The following ZNF638 variants were observed in gnomAD, a reference collection of about 807,000 sequenced individuals.
ZNF638 encodes the protein CTCL tumor antigen se33-1.
Under a neutral mutation model 195.6 loss-of-function variants are expected in ZNF638, and 46 were observed. That is an observed-to-expected ratio of 0.24 (90% CI 0.19 to 0.30). The LOEUF is 0.30. ZNF638 is among the 10% of genes least tolerant of loss of function. The pLI is 1.00. For missense variants in ZNF638, 2,440 were observed against 2,325.3 expected (o/e 1.05, Z -1.01); for synonymous variants, 845 against 772.0 (o/e 1.09, Z -1.57).
intron 1 of ZNF638, among the ~76,000 whole-genome samples, chr2:71,339,675 G>A (rs1210479757): frequency 6.6e-6 from 1 of 152,150 alleles, no homozygotes; most frequent in African/African-American, 2.4e-5. Context: ...TGTTGTTGTT[G>A]TTTTATGGTG....
chr2:71,341,866 G>C (rs1463884573), intron 1 of ZNF638: 1 of 151,980 alleles, frequency 6.6e-6, no homozygotes, highest in Non-Finnish European at 1.5e-5. Flanking sequence ...CCTTTGTTTA[G>C]TTTCTGTTTC....
intron 15 of ZNF638, 143 bp downstream of exon 15, chr2:71,400,661 T>A (rs2079988262): frequency 2.9e-6 from 2 of 694,536 alleles, no homozygotes; most frequent in Non-Finnish European, 4.4e-6. Context: ...ACATGATTTT[T>A]AGAAAGGAAA....
At chr2:71,337,966 C>G (rs779960454) in intron 1 of ZNF638, among the ~76,000 whole-genome samples, 7 of 152,130 alleles carry the variant, frequency 4.6e-5, no homozygotes, top group Non-Finnish European at 7.4e-5. Context: ...TTGGATTTAT[C>G]TGATGTTTCC....
intron 21 of ZNF638, among the ~76,000 whole-genome samples, chr2:71,422,238 G>A (rs1286537740): frequency 2.0e-5 from 3 of 151,358 alleles, no homozygotes; most frequent in African/African-American, 7.3e-5. Context: ...TCCAAATAAT[G>A]TTCTAAGTAT....
chr2:71,405,495 T>C (rs1447030841), intron 17 of ZNF638, 106 bp from the exon 18 acceptor site: 2 of 672,312 alleles, frequency 3.0e-6, no homozygotes, highest in South Asian at 1.9e-5. Context: ...TAAAATACTT[T>C]GTAATGCATA....
chr2:71,338,332 C>T (rs1376368890), intron 1 of ZNF638, among the ~76,000 whole-genome samples: 1 of 152,148 alleles, frequency 6.6e-6, no homozygotes, highest in African/African-American at 2.4e-5. Flanking sequence ...TAAGAGCTTC[C>T]CTTCTTCCGC....
At chr2:71,419,265 T>G (rs930624945) in intron 21 of ZNF638, among the ~76,000 whole-genome samples, 2 of 152,208 alleles carry the variant, frequency 1.3e-5, no homozygotes, top group Non-Finnish European at 2.9e-5. Flanking sequence ...GTTCCACCAG[T>G]TGATGACTTG....
chr2:71,352,498 A>G (rs1045280427), intron 2 of ZNF638, among the ~76,000 whole-genome samples: 3 of 128,950 alleles, frequency 2.3e-5, no homozygotes, highest in African/African-American at 8.5e-5. Context: ...AAAAAAATAA[A>G]AAAAAAAAAA....
chr2:71,342,352 T>C (rs2078776387), intron 1 of ZNF638, among the ~76,000 whole-genome samples: 1 of 152,152 alleles, frequency 6.6e-6, no homozygotes, highest in African/African-American at 2.4e-5. Flanking sequence ...TTTACGTGTC[T>C]TGCTTCATCA....
At chr2:71,332,139 C>A (rs2078581753) in intron 1 of ZNF638, among the ~76,000 whole-genome samples, 1 of 152,238 alleles carries the variant, frequency 6.6e-6, no homozygotes, top group African/African-American at 2.4e-5. Flanking sequence ...TCGTGAAGGA[C>A]CCTGCCTCGA....
At chr2:71,339,990 C>T (rs1042601919) in intron 1 of ZNF638, among the ~76,000 whole-genome samples, 3 of 152,074 alleles carry the variant, frequency 2.0e-5, no homozygotes, top group Non-Finnish European at 4.4e-5. Flanking sequence ...TACAATAGCC[C>T]ATTTATCAAA....
chr2:71,391,879 G>A (rs2079786928), intron 10 of ZNF638, among the ~76,000 whole-genome samples: 1 of 152,172 alleles, frequency 6.6e-6, no homozygotes, highest in Non-Finnish European at 1.5e-5. Flanking sequence ...GAGACAACTA[G>A]ATAGCATAGA....
At chr2:71,391,291 A>G in intron 10 of ZNF638, among the ~76,000 whole-genome samples, 1 of 152,190 alleles carries the variant, frequency 6.6e-6, no homozygotes, top group East Asian at 1.9e-4. Flanking sequence ...AGACTGCTTT[A>G]ATACTATTCC....
chr2:71,395,571 C>A, intron 10 of ZNF638: 2 of 596,028 alleles, frequency 3.4e-6, no homozygotes, highest in South Asian at 1.7e-5. Context: ...CTTTGATCAT[C>A]CTATTGCGCG....
intron 1 of ZNF638, among the ~76,000 whole-genome samples, chr2:71,339,176 C>T (rs568122406): frequency 5.6e-5 from 8 of 141,674 alleles, no homozygotes; most frequent in South Asian, 2.2e-4. Context: ...TTTATTGAGA[C>T]GGAGTCTCAC....
At chr2:71,338,957 C>T (rs1467247935) in intron 1 of ZNF638, among the ~76,000 whole-genome samples, 2 of 152,166 alleles carry the variant, frequency 1.3e-5, no homozygotes, top group African/African-American at 4.8e-5. Flanking sequence ...CTATCCATTA[C>T]CCCTTATAGA....
Position 71,426,876 on chromosome 2 carries a change from T to G in ZNF638, c.5007T>G (p.Ala1669=), listed in dbSNP as rs1256138265. ...EPKDVTVLSV[A]EEQDLLKQER... is the part of the protein sequence containing the mutation. ...AAGATGTTACTGTTCTGTCAGTGGC[T>G]GAAGAACAAGATCTCCTCAAACAGG... The change falls in exon 24 of 28, where the codon GCT becomes GCG. Residue 1669 remains alanine, a synonymous_variant. Coordinates refer to ENST00000264447, the MANE Select transcript of ZNF638 (RefSeq NM_014497.5). 1.9e-6 allele frequency: 3 copies of G among 1,614,184 alleles called. No individual in the cohort carries two copies. The East Asian group carries it at 6.7e-5, about 36-fold the overall frequency.
Position 71,389,878 on chromosome 2 carries a change from A to G in ZNF638, c.2378-6263A>G, listed in dbSNP as rs1461019467. On this transcript the variant is annotated intron_variant, in intron 10 of 27. Coordinates refer to ENST00000264447, the MANE Select transcript of ZNF638 (RefSeq NM_014497.5). ...AACGTCGACTGCCAACAAGCAATGC[A>G]GGCAGTCAGAGGAAAGGCAGTTACG... 2.6e-5 allele frequency among the ~76,000 whole-genome samples: 4 copies of G among 152,322 alleles called. No homozygotes were observed. In the East Asian group the frequency reaches 7.7e-4, roughly 29 times the overall value.
chr2:71,359,449 T>C (rs1000843104), intron 3 of ZNF638, among the ~76,000 whole-genome samples: 1 of 152,180 alleles, frequency 6.6e-6, no homozygotes. Context: ...CTTCCATCTA[T>C]TTGTACCATC....
Sources: allele counts gnomAD v4.1 joint callset (sites outside exome capture counted in the v4.1 genomes callset), GRCh38; gene constraint gnomAD v4.1.1; transcripts MANE v1.5; gene names NCBI Gene and HGNC (gene_info 2026-07-23, HGNC 2026-07-21).